PCDH11X: variants seen among roughly 807,000 people sequenced by gnomAD.
PCDH11X encodes the protein protocadherin 11 X-linked.
In PCDH11X, 18 loss-of-function variants were observed where a neutral mutation model predicts 53.3. The observed-to-expected ratio is 0.34, with a 90% CI of 0.23 to 0.50. The LOEUF (loss-of-function observed/expected upper bound fraction) is 0.50, where lower values mean the gene tolerates loss of function less well. PCDH11X is among the 20% of genes least tolerant of loss of function. The pLI is 0.98. For synonymous variants in PCDH11X, 279 were observed against 393.3 expected (o/e 0.71, Z 3.44); for missense variants, 570 against 1,032.4 (o/e 0.55, Z 6.14).
At chrX:92,178,615 T>C (rs999636897) in intron 6 of PCDH11X, among the ~76,000 whole-genome samples, 1 of 111,858 alleles carries the variant, frequency 8.9e-6, no homozygotes, top group Non-Finnish European at 1.9e-5. Flanking sequence ...TCACTTCTGA[T>C]GGCCTGTATT....
At position 92,063,694 on chromosome X, in the gene PCDH11X, C is replaced by A. The variant is rs759935257; in HGVS notation, c.3034-137681C>A. 1.1e-4 allele frequency among the ~76,000 whole-genome samples: 12 copies of A among 111,932 alleles called. No homozygotes were observed. The East Asian group carries it at 3.4e-3, about 32-fold the overall frequency. ...CATCTGTGTTGGCTGTTTCTTCTAT[C>A]TTTGGAATTGCTATCCTTTGGATGA... On this transcript the variant is annotated intron_variant, in intron 6 of 10. Transcript: ENST00000682573.
intron 10 of PCDH11X, 53 bp from the exon 11 acceptor site, chrX:92,618,211 A>G (rs775821390): frequency 8.6e-7 from 1 of 1,161,060 alleles, no homozygotes; most frequent in African/African-American, 1.8e-5. Flanking sequence ...AGTGGCTAAT[A>G]AAAATATGCC....
intron 6 of PCDH11X, among the ~76,000 whole-genome samples, chrX:92,177,465 T>A (rs1287114343): frequency 2.7e-5 from 3 of 111,885 alleles, no homozygotes; most frequent in Non-Finnish European, 3.8e-5. Context: ...GGAATTGGAA[T>A]GACCTCTAAC....
Position 91,780,608 on chromosome X carries a change from C to T in PCDH11X, c.-379+924C>T, listed in dbSNP as rs766428887. 3.5e-5 allele frequency among the ~76,000 whole-genome samples: 4 copies of T among 112,727 alleles called. No individual in the cohort carries two copies. In the South Asian group the frequency reaches 1.5e-3, roughly 41 times the overall value. On this transcript the variant is annotated intron_variant, in intron 1 of 10. Coordinates refer to ENST00000682573, the MANE Select transcript of PCDH11X (RefSeq NM_032968.5). ...TGTTTTCTAAGACAGAACCCAGAAACAGTTCACGTCCTCACAAAGGAATTC... is the reference window on the plus strand; with the variant it reads ...TGTTTTCTAAGACAGAACCCAGAAATAGTTCACGTCCTCACAAAGGAATTC...
At chrX:92,215,969 C>T (rs1252554595) in intron 7 of PCDH11X, among the ~76,000 whole-genome samples, 1 of 111,036 alleles carries the variant, frequency 9.0e-6, no homozygotes, top group African/African-American at 3.3e-5. Context: ...CTCTAGCAAA[C>T]TCCAACAGAC....
At chrX:92,031,014 G>A (rs1027570366) in intron 6 of PCDH11X, among the ~76,000 whole-genome samples, 2 of 110,344 alleles carry the variant, frequency 1.8e-5, no homozygotes, top group African/African-American at 6.6e-5. Flanking sequence ...CAGTGGGATG[G>A]CGGGATTGTA....
At chrX:92,430,257 T>C (rs2072221843) in intron 9 of PCDH11X, among the ~76,000 whole-genome samples, 1 of 92,365 alleles carries the variant, frequency 1.1e-5, no homozygotes, top group Non-Finnish European at 2.4e-5. Context: ...AGAACAAAAG[T>C]ATGTAATTTG....
intron 8 of PCDH11X, among the ~76,000 whole-genome samples, chrX:92,271,185 C>A (rs1434876863): frequency 2.7e-5 from 3 of 112,346 alleles, no homozygotes; most frequent in East Asian, 5.6e-4. Context: ...AGGGAGGGAA[C>A]ACCCTTACAA....
chrX:91,991,334 G>A (rs1408865693), intron 6 of PCDH11X, among the ~76,000 whole-genome samples: 1 of 83,472 alleles, frequency 1.2e-5, no homozygotes, highest in Non-Finnish European at 2.2e-5. Flanking sequence ...ACTGAGAACA[G>A]GCTTTTGTTA....
chrX:92,029,318 A>G (rs1463328299), intron 6 of PCDH11X, among the ~76,000 whole-genome samples: 2 of 111,291 alleles, frequency 1.8e-5, no homozygotes, highest in African/African-American at 6.5e-5. Flanking sequence ...GCATTATTTT[A>G]TATGCTCGAA....
intron 8 of PCDH11X, among the ~76,000 whole-genome samples, chrX:92,270,115 T>TC (rs1384445887): frequency 1.9e-5 from 2 of 107,784 alleles, no homozygotes; most frequent in African/African-American, 6.8e-5. Context: ...TCCTTTTCTT[T>TC]TTTTTTTTTT....
chrX:92,305,665 A>G (rs1569460034), intron 8 of PCDH11X, among the ~76,000 whole-genome samples: 2 of 108,277 alleles, frequency 1.8e-5, no homozygotes, highest in Non-Finnish European at 3.8e-5. Context: ...CCTGTTAAGC[A>G]TATACATTTG....
At chrX:92,552,743 A>G (rs1394487417) in intron 10 of PCDH11X, among the ~76,000 whole-genome samples, 2 of 110,957 alleles carry the variant, frequency 1.8e-5, no homozygotes, top group Non-Finnish European at 3.8e-5. Context: ...TTTAATCATA[A>G]AGGAATGCTA....
At position 92,326,940 on chromosome X, in the gene PCDH11X, C is replaced by T. The variant is rs369288659; in HGVS notation, c.3145-60795C>T. Among the ~76,000 whole-genome samples, 27 of 108,781 alleles carry T rather than the reference C, an allele frequency of 2.5e-4. 1 individual carries two copies. In the South Asian group the frequency reaches 9.6e-3, roughly 39 times the overall value. 94.5% of individuals were successfully genotyped at this position (108,781 alleles called of 115,157 possible). ...TACAATAAAGAATTATAAAACATTC[C>T]AATATGAAGTCTCTCATCAGTCTTC... On this transcript the variant is annotated intron_variant, in intron 8 of 10. Transcript: ENST00000682573.
intron 6 of PCDH11X, among the ~76,000 whole-genome samples, chrX:92,024,193 G>A (rs917105144): frequency 1.6e-4 from 18 of 110,517 alleles, no homozygotes; most frequent in African/African-American, 5.9e-4. Context: ...ATAAATAACG[G>A]TATTCAAATA....
chrX:92,284,944 A>G (rs2068330242), intron 8 of PCDH11X, among the ~76,000 whole-genome samples: 1 of 111,330 alleles, frequency 9.0e-6, no homozygotes, highest in African/African-American at 3.3e-5. Flanking sequence ...TTGTGTAGCT[A>G]GTGAACTGTG....
chrX:92,305,167 A>G (rs1167438050), intron 8 of PCDH11X, among the ~76,000 whole-genome samples: 5 of 111,341 alleles, frequency 4.5e-5, no homozygotes, highest in Non-Finnish European at 7.5e-5. Flanking sequence ...TTCTAAAATT[A>G]TTGATAGTCA....
chrX:92,006,906 A>G (rs1407330019), intron 6 of PCDH11X, among the ~76,000 whole-genome samples: 1 of 111,425 alleles, frequency 9.0e-6, no homozygotes, highest in African/African-American at 3.3e-5. Context: ...ATTTCTCTGG[A>G]TTATCAGGCA....
chrX:92,518,748 ATTTTTTTT>A (rs762759156), intron 10 of PCDH11X, among the ~76,000 whole-genome samples: 7 of 59,441 alleles, frequency 1.2e-4, no homozygotes, highest in African/African-American at 4.1e-4. Context: ...TACCAATAAA[ATTTTTTTT>A]TTTTTTTTTT....
Sources: gnomAD v4.1 joint callset for allele counts (sites outside exome capture counted in the v4.1 genomes callset) on GRCh38, gnomAD v4.1.1 for gene constraint, MANE v1.5 for transcripts, NCBI Gene and HGNC (gene_info 2026-07-23, HGNC 2026-07-21) for gene names.